ATP2A3: variants seen among roughly 807,000 people sequenced by gnomAD.
ATP2A3 encodes sarcoplasmic/endoplasmic reticulum calcium ATPase 3.
In ATP2A3, 61 loss-of-function variants were observed where a neutral mutation model predicts 106.8. The ratio of observed to expected loss-of-function variants is 0.57; its 90% CI spans 0.46 to 0.71. ATP2A3 has a LOEUF of 0.71. Among genes scored for constraint, ATP2A3 ranks in the 30% least tolerant of loss-of-function variants. ATP2A3 has a pLI of 0.00. For synonymous variants in ATP2A3, 611 were observed against 609.3 expected, an observed-to-expected ratio of 1.00 and a Z score of -0.04; for missense variants, 1,201 against 1,423.5, an observed-to-expected ratio of 0.84 and a Z score of 2.52.
At chr17:3,951,557 G>A (rs756146325) in intron 4 of ATP2A3, 24 bp downstream of exon 4, 14 of 538,872 alleles carry the variant, frequency 2.6e-5, no homozygotes, top group Admixed American at 1.8e-4. Flanking sequence ...CCCCCCGCCC[G>A]GTCCCACCCC....
intron 15 of ATP2A3, 138 bp downstream of exon 15, chr17:3,937,278 G>A: frequency 1.0e-6 from 1 of 984,816 alleles, no homozygotes; most frequent in South Asian, 1.4e-5. Flanking sequence ...ACTCCAAGGT[G>A]GGACCCTGGA....
rs957381469 is a variant in ATP2A3, at chr17:3,945,103, C to T, written c.1141G>A (p.Glu381Lys). ...TACGTGGTACCCGAGATGGTGAACT[C>T]GTGCAAAAGGCAGGAGCCCGCATCG... ...EADAGSCLLH[E>K]FTISGTTYTP... is the part of the protein sequence containing the mutation. Residue 381 changes from glutamate (E) to lysine (K), a missense_variant, in exon 9 of 21, where the codon GAG becomes AAG. Coordinates refer to ENST00000397041, the MANE Select transcript of ATP2A3 (RefSeq NM_005173.4). 10 of 1,548,128 alleles carry T rather than the reference C, an allele frequency of 6.5e-6. No individual in the cohort carries two copies. Among genetic ancestry groups the T allele is most frequent in the Non-Finnish European group, 8.7e-6 (10 of 1,145,786 alleles).
In ATP2A3 at chr17:3,941,605, C is replaced by T. The variant is rs764407626; in HGVS notation, c.1595G>A (p.Ser532Asn). 1.4e-5 allele frequency: 23 copies of T among 1,611,774 alleles called. No homozygotes were observed. The highest frequency in any genetic ancestry group is 2.7e-5 in the African/African-American group (2 of 74,896). ...GGTGGGGGTCAGGGGTGCTGTGCGG[C>T]TCCCCACGCGGACTGAGCTACAGCG... ...IERCSSVRVG[S>N]RTAPLTPTSR... The change falls in exon 13 of 21, where the codon AGC becomes AAC. Residue 532 changes from serine (S) to asparagine (N), a missense_variant. Ser to Asn is a conservative substitution (Grantham distance 46, BLOSUM62 1). Around this residue, in one of 2 missense-constraint regions of ATP2A3, gnomAD observed 935 missense variants for 1,176.7 expected, o/e 0.79. Transcript: ENST00000397041.
In ATP2A3 at chr17:3,928,802, G is replaced by C. The variant is rs1215632414; in HGVS notation, c.2863-22C>G. On this transcript the variant is annotated intron_variant, in intron 19 of 20. Transcript: ENST00000397041. This position sits in a 1 kb window ranked among gnomAD's most constrained non-coding sequence, Gnocchi z 6.1. Reference sequence around the variant, plus strand: ...TGAGCTGGCGGGGAGGGGAAGGGAGGTTTGGTTAAAGGAAGGACTGGCTGT... The same window carrying C: ...TGAGCTGGCGGGGAGGGGAAGGGAGCTTTGGTTAAAGGAAGGACTGGCTGT... 1.1e-5 allele frequency: 17 copies of C among 1,541,720 alleles called. No individual in the cohort carries two copies.
At chr17:3,931,822 T>G (rs952078164) in intron 17 of ATP2A3, among the ~76,000 whole-genome samples, 4 of 152,136 alleles carry the variant, frequency 2.6e-5, no homozygotes, top group African/African-American at 9.7e-5. Context: ...CGCCCGGCCA[T>G]GGAGATCTTT....
intron 20 of ATP2A3, chr17:3,927,868 C>A: frequency 6.4e-7 from 1 of 1,565,490 alleles, no homozygotes; most frequent in Non-Finnish European, 8.6e-7. Flanking sequence ...CCCCAACGAC[C>A]CAGCTGCCCC....
chr17:3,925,080 T>G lies in ATP2A3; in HGVS notation c.*342A>C. On this transcript the variant is annotated 3_prime_UTR_variant, in exon 21 of 21. Coordinates refer to ENST00000397041, the MANE Select transcript of ATP2A3 (RefSeq NM_005173.4). The surrounding 1 kb of genome is among the most constrained non-coding windows in gnomAD (Gnocchi z 4.2). ...AGCAAGCTCCAGCTGCACTCGTGAT[T>G]TGGGGGTGGGGGGGCCCCGGATCTC... 2 of 509,554 alleles carry G rather than the reference T, an allele frequency of 3.9e-6. No individual in the cohort carries two copies. The highest frequency in any genetic ancestry group is 3.6e-6 in the Non-Finnish European group (1 of 279,644). The allele number at this position is 509,554 out of a possible 1,614,324, so 31.6% of individuals were successfully genotyped here.
At chr17:3,945,936 C>T (rs77516727) in intron 8 of ATP2A3, among the ~76,000 whole-genome samples, 1,582 of 152,328 alleles carry the variant, frequency 0.01, 9 homozygotes, top group Non-Finnish European at 0.017. Context: ...TACAACTTCC[C>T]CACACTGCAC....
At position 3,926,978 on chromosome 17, in the gene ATP2A3, A is replaced by T; in HGVS notation, c.2981-1537T>A. 3.0e-6 allele frequency: 3 copies of T among 985,266 alleles called. No homozygotes were observed. Among genetic ancestry groups the T allele is most frequent in the Non-Finnish European group, 3.6e-6 (3 of 829,896 alleles). The allele number at this position is 985,266 out of a possible 1,614,324, so 61.0% of individuals were successfully genotyped here. On this transcript the variant is annotated intron_variant, in intron 20 of 20. Transcript: ENST00000397041. This position sits in a 1 kb window ranked among gnomAD's most constrained non-coding sequence, Gnocchi z 4.6. ...CCTGAGGACAATGTCCAGGGTCTCT[A>T]CCTTGGCACTCAAGGCCCTTGCCCC... is the stretch of plus-strand genomic sequence containing the variant.
Position 3,925,009 on chromosome 17 carries a change from A to C in ATP2A3, c.*413T>G. The C allele has an allele frequency of 2.5e-6, 1 of 395,124 alleles. No individual in the cohort carries two copies. Among genetic ancestry groups the C allele is most frequent in the East Asian group, 6.1e-5 (1 of 16,404 alleles). 24.5% of individuals were successfully genotyped at this position (395,124 alleles called of 1,614,324 possible). A position where few individuals can be genotyped will look rare whatever the true frequency, so the allele number is the denominator to read the frequency against. Reference sequence around the variant, plus strand: ...GACCCCCAGAGTCCTCCGTCAGTGCAGAGGCACCAGTCACCAAGTGAACGT... The same window carrying C: ...GACCCCCAGAGTCCTCCGTCAGTGCCGAGGCACCAGTCACCAAGTGAACGT... On this transcript the variant is annotated 3_prime_UTR_variant, in exon 21 of 21. Coordinates refer to ENST00000397041, the MANE Select transcript of ATP2A3 (RefSeq NM_005173.4). The surrounding 1 kb of genome is among the most constrained non-coding windows in gnomAD (Gnocchi z 4.2).
At chr17:3,949,424 T>A (rs1318403585) in intron 7 of ATP2A3, among the ~76,000 whole-genome samples, 6 of 152,198 alleles carry the variant, frequency 3.9e-5, no homozygotes, top group Non-Finnish European at 8.8e-5. Context: ...TCATGCCTTG[T>A]GGGTCAGTTT....
In ATP2A3 at chr17:3,947,640, C is replaced by T. The variant is rs148788939; in HGVS notation, c.846G>A (p.Pro282=). Residue 282 remains proline, a synonymous_variant, in exon 8 of 21, where the codon CCG becomes CCA. Transcript: ENST00000397041. This position sits in a 1 kb window ranked among gnomAD's most constrained non-coding sequence, Gnocchi z 7.7. ...CACGCAGCCAGGAGCCACCGTGGGC[C>T]GGGTCGGCGAAGTGGCCGATGTTGA... ...WVINIGHFAD[P]AHGGSWLRGA... 27 of 1,612,276 alleles carry T rather than the reference C, an allele frequency of 1.7e-5. No homozygotes were observed. The African/African-American group carries it at 2.0e-4, about 12-fold the overall frequency.
chr17:3,932,076 T>C (rs2053134425), intron 17 of ATP2A3, among the ~76,000 whole-genome samples: 1 of 152,238 alleles, frequency 6.6e-6, no homozygotes, highest in African/African-American at 2.4e-5. Flanking sequence ...TAGTGGACGT[T>C]TTCTCCAAAA....
In ATP2A3 at chr17:3,955,890, T is replaced by A. The variant is rs1040264408; in HGVS notation, c.119-2180A>T. 1.4e-5 allele frequency among the ~76,000 whole-genome samples: 2 copies of A among 141,926 alleles called. No individual in the cohort carries two copies. The highest frequency in any genetic ancestry group is 1.6e-5 in the Non-Finnish European group (1 of 62,280). 93.1% of individuals were successfully genotyped at this position (141,926 alleles called of 152,430 possible). A position where few individuals can be genotyped will look rare whatever the true frequency, so the allele number is the denominator to read the frequency against. On this transcript the variant is annotated intron_variant, in intron 1 of 20. Transcript: ENST00000397041. This position sits in a 1 kb window ranked among gnomAD's most constrained non-coding sequence, Gnocchi z 4.2. ...TTCTCTTATTTTATTTTATTTTATT[T>A]TTTTTTTTTGAGATGGAGTCTTGCT... is the stretch of plus-strand genomic sequence containing the variant.
chr17:3,959,979 C>T (rs2144770565), intron 1 of ATP2A3, among the ~76,000 whole-genome samples: 1 of 152,304 alleles, frequency 6.6e-6, no homozygotes, highest in Admixed American at 6.5e-5. Context: ...TGATGCTGCT[C>T]CTGGGGGGCT....
intron 20 of ATP2A3, chr17:3,927,688 G>C: frequency 1.0e-6 from 1 of 984,016 alleles, no homozygotes; most frequent in Admixed American, 6.2e-5. Flanking sequence ...GCCCCAGCAG[G>C]CTTGCCTTGG....
intron 14 of ATP2A3, among the ~76,000 whole-genome samples, chr17:3,939,395 A>G (rs920842053): frequency 2.6e-5 from 4 of 152,178 alleles, no homozygotes; most frequent in African/African-American, 4.8e-5. Context: ...AGAATAGGTC[A>G]GCAATTAAGA....
chr17:3,955,411 C>T lies in ATP2A3; in HGVS notation c.119-1701G>A, dbSNP rs1040880327. 2.0e-5 allele frequency among the ~76,000 whole-genome samples: 3 copies of T among 152,232 alleles called. No individual in the cohort carries two copies. The highest frequency in any genetic ancestry group is 7.2e-5 in the African/African-American group (3 of 41,460). ...GAGGGAAATATATAGCCTAAAAATACACTTTCTAGCATTTTCTCCAAAGTC... is the reference window on the plus strand; with the variant it reads ...GAGGGAAATATATAGCCTAAAAATATACTTTCTAGCATTTTCTCCAAAGTC... On this transcript the variant is annotated intron_variant, in intron 1 of 20. Coordinates refer to ENST00000397041, the MANE Select transcript of ATP2A3 (RefSeq NM_005173.4). This position sits in a 1 kb window ranked among gnomAD's most constrained non-coding sequence, Gnocchi z 4.2.
rs184121690 is a variant in ATP2A3 at position 3,924,715 on chromosome 17, G to A, written c.*707C>T. The A allele has an allele frequency of 2.6e-4, 119 of 455,510 alleles. No individual in the cohort carries two copies. The highest frequency in any genetic ancestry group is 1.9e-3 in the African/African-American group (94 of 50,138). 28.2% of individuals were successfully genotyped at this position (455,510 alleles called of 1,614,324 possible). A position where few individuals can be genotyped will look rare whatever the true frequency, so the allele number is the denominator to read the frequency against. Reference sequence around the variant, plus strand: ...TGAGGCAGTCCAGCCAGGCTTTCCCGACTTGTCTCCCGGGAAAGGACATCC... The same window carrying A: ...TGAGGCAGTCCAGCCAGGCTTTCCCAACTTGTCTCCCGGGAAAGGACATCC... On this transcript the variant is annotated 3_prime_UTR_variant, in exon 21 of 21. Coordinates refer to ENST00000397041, the MANE Select transcript of ATP2A3 (RefSeq NM_005173.4). The surrounding 1 kb of genome is among the most constrained non-coding windows in gnomAD (Gnocchi z 6.4).
Sources: allele counts gnomAD v4.1 joint callset (sites outside exome capture counted in the v4.1 genomes callset), GRCh38; gene constraint gnomAD v4.1.1; regional missense constraint gnomAD v4.1.1; non-coding constraint Gnocchi (gnomAD v3.1); transcripts MANE v1.5; gene names NCBI Gene and HGNC (gene_info 2026-07-23, HGNC 2026-07-21).